Variants in AMBRA1 observed in about 807,000 individuals in gnomAD.
The protein encoded by AMBRA1 is autophagy and beclin 1 regulator 1.
In AMBRA1, 47 loss-of-function variants were observed where a neutral mutation model predicts 125.4. That is an observed-to-expected ratio of 0.37 (90% CI 0.30 to 0.48). The LOEUF is 0.48. Ranked by LOEUF, AMBRA1 falls within the 20% of genes least tolerant of loss-of-function variation. The pLI is 0.99. For missense variants in AMBRA1, 1,331 were observed against 1,693.4 expected (o/e 0.79, Z 3.76); for synonymous variants, 626 against 655.5 (o/e 0.95, Z 0.69).
intron 1 of AMBRA1, among the ~76,000 whole-genome samples, chr11:46,550,025 G>T (rs564185646): frequency 1.3e-5 from 2 of 152,232 alleles, no homozygotes; most frequent in South Asian, 4.1e-4. Flanking sequence ...TGCCATGTTG[G>T]CCAGGCTGGT....
rs1949961237 is a variant in AMBRA1 at position 46,479,304 on chromosome 11, A to G, written c.2521+14304T>C. ...GGCAGCATGTTACAGTAATGGCCCC[A>G]AATGATTTAGGCCCTTCTGTATCCA... On this transcript the variant is annotated intron_variant, in intron 11 of 17. Coordinates refer to ENST00000683756, the MANE Select transcript of AMBRA1 (RefSeq NM_001387011.1). Among the ~76,000 whole-genome samples, 4 of 152,224 alleles carry G rather than the reference A, an allele frequency of 2.6e-5. No individual in the cohort carries two copies. The South Asian group carries it at 8.3e-4, about 32-fold the overall frequency.
At chr11:46,444,930 C>T (rs1318670826) in intron 11 of AMBRA1, among the ~76,000 whole-genome samples, 1 of 152,048 alleles carries the variant, frequency 6.6e-6, no homozygotes, top group Non-Finnish European at 1.5e-5. Context: ...TTGTCTTTGT[C>T]TCATTTTCAA....
intron 11 of AMBRA1, among the ~76,000 whole-genome samples, chr11:46,477,362 G>C (rs1030044135): frequency 1.3e-5 from 2 of 149,892 alleles, no homozygotes; most frequent in African/African-American, 2.5e-5. Flanking sequence ...CTGTCACTCA[G>C]ACTGGAGTGC....
At chr11:46,440,414 T>G (rs1457586988) in intron 12 of AMBRA1, among the ~76,000 whole-genome samples, 1 of 152,168 alleles carries the variant, frequency 6.6e-6, no homozygotes, top group East Asian at 1.9e-4. Flanking sequence ...ATATAATATT[T>G]CTGAAAAGAT....
At position 46,437,632 on chromosome 11, in the gene AMBRA1, G is replaced by C. The variant is rs1947789701; in HGVS notation, c.2633-2595C>G. Reference sequence around the variant, plus strand: ...AAAAGGAAATGTTCAGTTACAATAAGTGTCACTGCTTCCATTCACTTGTGC... The same window carrying C: ...AAAAGGAAATGTTCAGTTACAATAACTGTCACTGCTTCCATTCACTTGTGC... On this transcript the variant is annotated intron_variant, in intron 12 of 17. Transcript: ENST00000683756. Among the ~76,000 whole-genome samples, 3 of 152,210 alleles carry C rather than the reference G, an allele frequency of 2.0e-5. No homozygotes were observed. In the South Asian group the frequency reaches 6.2e-4, roughly 32 times the overall value.
At chr11:46,566,328 G>A (rs2043530445) in intron 1 of AMBRA1, among the ~76,000 whole-genome samples, 1 of 151,862 alleles carries the variant, frequency 6.6e-6, no homozygotes, top group Non-Finnish European at 1.5e-5. Flanking sequence ...TGAGGCAGGA[G>A]AATCGCTTGA....
intron 1 of AMBRA1, among the ~76,000 whole-genome samples, chr11:46,572,654 C>T (rs2043806047): frequency 6.6e-6 from 1 of 152,150 alleles, no homozygotes; most frequent in Non-Finnish European, 1.5e-5. Flanking sequence ...TCAGCATTAT[C>T]ATCATCATCT....
At chr11:46,582,499 C>A (rs2044211897) in intron 1 of AMBRA1, among the ~76,000 whole-genome samples, 1 of 152,134 alleles carries the variant, frequency 6.6e-6, no homozygotes, top group South Asian at 2.1e-4. Context: ...TCCATACAGG[C>A]ATGGACATCT....
chr11:46,470,424 C>A (rs1949537259), intron 11 of AMBRA1, among the ~76,000 whole-genome samples: 2 of 151,888 alleles, frequency 1.3e-5, no homozygotes, highest in South Asian at 4.2e-4. Context: ...CCTATCTCTA[C>A]TAAAAATACA....
chr11:46,556,622 T>C (rs187108305), intron 1 of AMBRA1, among the ~76,000 whole-genome samples: 26 of 152,270 alleles, frequency 1.7e-4, no homozygotes, highest in Admixed American at 1.2e-3. Context: ...GTCAGAATGG[T>C]TGATTGAATT....
rs116484253 is a variant in AMBRA1 at position 46,502,015 on chromosome 11, C to T, written c.2339+6176G>A. Among the ~76,000 whole-genome samples, 658 of 152,256 alleles carry T rather than the reference C, an allele frequency of 4.3e-3. 3 individuals are homozygous for T. The highest frequency in any genetic ancestry group is 0.015 in the African/African-American group (612 of 41,538). ...TTCTAAGCCATTTTGTAAAGACATT[C>T]GACCACTACAAAAATTATCTGGAAA... On this transcript the variant is annotated intron_variant, in intron 9 of 17. Transcript: ENST00000683756.
chr11:46,434,465 G>A (rs1315818300), intron 13 of AMBRA1, among the ~76,000 whole-genome samples: 1 of 142,682 alleles, frequency 7.0e-6, no homozygotes, highest in East Asian at 2.1e-4. Flanking sequence ...TGGTAACACT[G>A]CTGTGAACAC....
At chr11:46,505,310 C>A (rs1240964926) in intron 9 of AMBRA1, among the ~76,000 whole-genome samples, 1 of 152,194 alleles carries the variant, frequency 6.6e-6, no homozygotes, top group Non-Finnish European at 1.5e-5. Context: ...CACGTGGACA[C>A]TCAGAGGACA....
rs569748327 is a variant in AMBRA1, at chr11:46,408,812, T to C, written c.3210-106A>G. ...CCTCAGGGCAGTGTGGGCCAGGCCCTGCAGGCTAAGAGAAGCCCTGTGCTC... is the reference window on the plus strand; with the variant it reads ...CCTCAGGGCAGTGTGGGCCAGGCCCCGCAGGCTAAGAGAAGCCCTGTGCTC... On this transcript the variant is annotated intron_variant, in intron 16 of 17. Transcript: ENST00000683756. The C allele has an allele frequency of 2.8e-4, 316 of 1,133,572 alleles. 1 individual carries two copies. The highest frequency in any genetic ancestry group is 2.9e-4 in the Non-Finnish European group (247 of 848,830). The allele number at this position is 1,133,572 out of a possible 1,614,324, so 70.2% of individuals were successfully genotyped here. A position where few individuals can be genotyped will look rare whatever the true frequency, so the allele number is the denominator to read the frequency against.
intron 1 of AMBRA1, among the ~76,000 whole-genome samples, chr11:46,587,432 A>C (rs1188666408): frequency 1.3e-5 from 2 of 152,212 alleles, no homozygotes; most frequent in Non-Finnish European, 2.9e-5. Context: ...GATATTTATA[A>C]GTCCTAGTTA....
chr11:46,485,122 G>A (rs923705476), intron 11 of AMBRA1, among the ~76,000 whole-genome samples: 2 of 152,252 alleles, frequency 1.3e-5, no homozygotes, highest in African/African-American at 4.8e-5. Context: ...ATTTTTAGTA[G>A]AGACAGGGTT....
intron 11 of AMBRA1, among the ~76,000 whole-genome samples, chr11:46,483,234 ACT>A (rs1417883932): frequency 6.6e-6 from 1 of 151,586 alleles, no homozygotes; most frequent in Non-Finnish European, 1.5e-5. Flanking sequence ...TTACAAGATG[ACT>A]CTCTGGCTCT....
At chr11:46,476,551 A>G (rs1949822133) in intron 11 of AMBRA1, among the ~76,000 whole-genome samples, 1 of 110,386 alleles carries the variant, frequency 9.1e-6, no homozygotes, top group Admixed American at 8.0e-5. Context: ...ATGTGCTCCT[A>G]AACTGTCCCT....
At chr11:46,505,939 G>C (rs767397190) in intron 9 of AMBRA1, among the ~76,000 whole-genome samples, 8 of 152,212 alleles carry the variant, frequency 5.3e-5, no homozygotes, top group African/African-American at 9.7e-5. Flanking sequence ...TGCATGGAAA[G>C]AGGGCTAGGC....
Sources: gnomAD v4.1 joint callset for allele counts (sites outside exome capture counted in the v4.1 genomes callset) on GRCh38, gnomAD v4.1.1 for gene constraint, MANE v1.5 for transcripts, NCBI Gene and HGNC (gene_info 2026-07-23, HGNC 2026-07-21) for gene names.